The following PATL2 variants were observed in gnomAD, a reference collection of about 807,000 sequenced individuals.
PATL2 encodes the protein protein PAT1 homolog 2.
In PATL2, 73 loss-of-function variants were observed where a neutral mutation model predicts 77.0. The ratio of observed to expected loss-of-function variants is 0.95; its 90% confidence interval spans 0.78 to 1.15. PATL2 has a LOEUF of 1.15. Among genes scored for constraint, PATL2 ranks in the 50% most tolerant of loss-of-function variants. The pLI, the probability that PATL2 is intolerant of heterozygous loss-of-function variation, is 0.00. For missense variants in PATL2, 618 were observed against 655.4 expected (o/e 0.94, Z 0.62); for synonymous variants, 265 against 257.1 (o/e 1.03, Z -0.29).
intron 3 of PATL2, among the ~76,000 whole-genome samples, chr15:44,705,054 G>T (rs184333587): frequency 1.0e-3 from 155 of 152,146 alleles, no homozygotes; most frequent in African/African-American, 3.6e-3. Flanking sequence ...AATTTGTTTG[G>T]TGTTCTATAA....
rs760984909 is a variant in PATL2 at position 44,669,910 on chromosome 15, C to T, written c.779-36G>A. On this transcript the variant is annotated intron_variant, in intron 10 of 17. Coordinates refer to ENST00000682850, the MANE Select transcript of PATL2 (RefSeq NM_001387263.1). ...AGAGAGGCACATTTCCTTCCCCCTCCCACACTCTGTCCACCCAGATGCCCA... is the reference window on the plus strand; with the variant it reads ...AGAGAGGCACATTTCCTTCCCCCTCTCACACTCTGTCCACCCAGATGCCCA... The T allele has an allele frequency of 9.7e-6, 15 of 1,551,064 alleles. No individual in the cohort carries two copies. In the South Asian group the frequency reaches 1.3e-4, roughly 14 times the overall value.
In PATL2 at chr15:44,673,932, C is replaced by G. The variant is rs553274701; in HGVS notation, c.303+218G>C. Among the ~76,000 whole-genome samples the G allele has an allele frequency of 1.1e-4, 17 of 152,280 alleles. No homozygotes were observed. The South Asian group carries it at 2.1e-3, about 19-fold the overall frequency. On this transcript the variant is annotated intron_variant, in intron 6 of 17. Coordinates refer to ENST00000682850, the MANE Select transcript of PATL2 (RefSeq NM_001387263.1). ...GTTTGTCCTTGTTCATACAAATGGC[C>G]AGTTGTCCCAGTACCACTTATTAAG...
Position 44,672,389 on chromosome 15 carries a change from T to C in PATL2, c.514A>G (p.Ser172Gly). The stretch of plus-strand genomic sequence containing the variant: ...CCCTGCTCCTGGTCTGGGCTTTACC[T>C]TGGTGTTTGACTATGCTGCTGCTGC... ...LQQQQHSQTP[S>G]PPAKKPWSQQ... The change falls in exon 8 of 18, where the codon AGT becomes GGT. Residue 172 changes from serine (S) to glycine (G), a missense_variant and splice_region_variant. Ser to Gly is a moderately conservative substitution (Grantham distance 56). Transcript: ENST00000682850. The C allele has an allele frequency of 6.4e-7, 1 of 1,551,642 alleles. No homozygotes were observed.
chr15:44,690,719 G>A (rs931497525), intron 3 of PATL2, among the ~76,000 whole-genome samples: 17 of 152,072 alleles, frequency 1.1e-4, no homozygotes, highest in Admixed American at 3.3e-4. Flanking sequence ...TGTTTCTGAA[G>A]ATGTTAAGAG....
intron 3 of PATL2, among the ~76,000 whole-genome samples, chr15:44,709,147 C>T (rs1376548367): frequency 1.3e-5 from 2 of 152,126 alleles, no homozygotes; most frequent in Non-Finnish European, 2.9e-5. Flanking sequence ...GATCTGCCCG[C>T]CTTGACCTCC....
Position 44,665,754 on chromosome 15 carries a change from A to G in PATL2, c.*199T>C. ...ACATCATTCTATTATCTCTTTAATT[A>G]TACCTTATTATGCCATGTCTTATTT... On this transcript the variant is annotated 3_prime_UTR_variant, in exon 18 of 18. Coordinates refer to ENST00000682850, the MANE Select transcript of PATL2 (RefSeq NM_001387263.1). The G allele has an allele frequency of 7.0e-7, 1 of 1,428,530 alleles. No homozygotes were observed. Among genetic ancestry groups the G allele is most frequent in the Non-Finnish European group, 9.3e-7 (1 of 1,076,408 alleles). 88.5% of individuals were successfully genotyped at this position (1,428,530 alleles called of 1,614,324 possible).
Position 44,669,793 on chromosome 15 carries a change from T to C in PATL2, c.860A>G (p.His287Arg). Residue 287 changes from histidine (H) to arginine (R), a missense_variant, in exon 11 of 18, where the codon CAT becomes CGT. Transcript: ENST00000682850. ...SPRRAIDAVPHGTQEQDIEAA... is the reference protein window; with the variant it reads ...SPRRAIDAVPRGTQEQDIEAA... The stretch of plus-strand genomic sequence containing the variant: ...TGCTCCCACCTGCTCTTGAGTTCCA[T>C]GGGGTACCGCATCAATAGCTCGGCG... 6.4e-7 allele frequency: 1 copy of C among 1,551,678 alleles called. No homozygotes were observed. Among genetic ancestry groups the C allele is most frequent in the South Asian group, 1.2e-5 (1 of 84,062 alleles).
chr15:44,695,907 A>T (rs1445609001), intron 3 of PATL2, among the ~76,000 whole-genome samples: 2 of 152,122 alleles, frequency 1.3e-5, no homozygotes, highest in Non-Finnish European at 2.9e-5. Flanking sequence ...GATCCAAACC[A>T]CCAGAGAATA....
chr15:44,668,371 G>A lies in PATL2; in HGVS notation c.1336C>T (p.Arg446Trp), dbSNP rs1160834883. ...TTCTGAAGCACCACGGTGACTGGCC[G>A]CTCTGAGGAGCCAGGTGGCAACAGC... ...LTLLPPGSSE[R>W]PVTVVLQNQF... The change falls in exon 15 of 18, where the codon CGG (arginine) becomes TGG (tryptophan). Residue 446 changes from arginine to tryptophan, a missense_variant. Transcript: ENST00000682850. The A allele has an allele frequency of 7.7e-6, 12 of 1,550,824 alleles. No individual in the cohort carries two copies. Among genetic ancestry groups the A allele is most frequent in the South Asian group, 4.8e-5 (4 of 84,024 alleles).
At chr15:44,692,070 T>G (rs1384694354) in intron 3 of PATL2, among the ~76,000 whole-genome samples, 1 of 152,090 alleles carries the variant, frequency 6.6e-6, no homozygotes, top group Admixed American at 6.6e-5. Context: ...ACAATATAGA[T>G]CTCTATTATT....
At chr15:44,692,400 C>T (rs781621998) in intron 3 of PATL2, among the ~76,000 whole-genome samples, 16 of 152,012 alleles carry the variant, frequency 1.1e-4, no homozygotes, top group Middle Eastern at 3.2e-3. Context: ...CAAAAACCAA[C>T]GACAACAACA....
chr15:44,694,939 T>C (rs1031148724), intron 3 of PATL2, among the ~76,000 whole-genome samples: 1 of 152,058 alleles, frequency 6.6e-6, no homozygotes, highest in African/African-American at 2.4e-5. Flanking sequence ...CAGCATGAAG[T>C]AGCCAGAAAG....
At chr15:44,668,917 G>A (rs2085518231) in intron 14 of PATL2, 63 bp downstream of exon 14, 1 of 1,445,208 alleles carries the variant, frequency 6.9e-7, no homozygotes, top group Non-Finnish European at 9.2e-7. Flanking sequence ...GGGGACTGGA[G>A]GGGAGGAATG....
chr15:44,679,684 G>A (rs2086090067), intron 3 of PATL2, among the ~76,000 whole-genome samples: 2 of 151,330 alleles, frequency 1.3e-5, no homozygotes, highest in Non-Finnish European at 2.9e-5. Context: ...GAGCCACTGC[G>A]TCCGGCCCTT....
intron 3 of PATL2, among the ~76,000 whole-genome samples, chr15:44,688,403 AAAAC>A (rs577757076): frequency 1.3e-5 from 2 of 152,046 alleles, no homozygotes; most frequent in Admixed American, 6.6e-5. Flanking sequence ...ATCCTAAGCA[AAAAC>A]AAACAAACAA....
intron 17 of PATL2, 29 bp downstream of exon 17, chr15:44,666,363 G>A: frequency 6.4e-7 from 1 of 1,550,958 alleles, no homozygotes; most frequent in Non-Finnish European, 8.7e-7. Flanking sequence ...TGAACAAGGG[G>A]CTTTGACCTT....
chr15:44,666,454 T>C lies in PATL2; in HGVS notation c.1551A>G (p.Leu517=), dbSNP rs1044545. ...LAEPLAFPSN[L]LPLFCHHVDK... is the part of the protein sequence containing the mutation. Reference sequence around the variant, plus strand: ...CCACGTGGTGACAGAACAGGGGAAGTAGGTTGCTGGGGAAAGCTAGGGGTT... The same window carrying C: ...CCACGTGGTGACAGAACAGGGGAAGCAGGTTGCTGGGGAAAGCTAGGGGTT... Residue 517 remains leucine, a synonymous_variant, in exon 17 of 18, where the codon CTA becomes CTG. Transcript: ENST00000682850. 1.6e-3 allele frequency: 2,487 copies of C among 1,551,638 alleles called. 29 individuals are homozygous for C. The African/African-American group carries it at 0.031, about 19-fold the overall frequency.
intron 14 of PATL2, among the ~76,000 whole-genome samples, chr15:44,668,743 A>G (rs1427437540): frequency 6.6e-6 from 1 of 152,212 alleles, no homozygotes; most frequent in African/African-American, 2.4e-5. Flanking sequence ...AGACCTCCTC[A>G]GCACACTGAC....
Position 44,675,595 on chromosome 15 carries a change from T to G in PATL2, c.113A>C (p.Glu38Ala). ...CAGATCCTCCTCGTCCTCCTCCTCTTCCTCCTCCTCCCCTTCATTCTCTTC... is the reference window on the plus strand; with the variant it reads ...CAGATCCTCCTCGTCCTCCTCCTCTGCCTCCTCCTCCCCTTCATTCTCTTC... ...KEEENEGEEE[E>A]EEEDEEDLDP... The change falls in exon 5 of 18, where the codon GAA (glutamate) becomes GCA (alanine). Residue 38 changes from glutamate (E) to alanine (A), a missense_variant. Physicochemically the swap from Glu to Ala is moderately radical, Grantham distance 107. Transcript: ENST00000682850. The G allele has an allele frequency of 1.9e-6, 3 of 1,550,968 alleles. No homozygotes were observed. Among genetic ancestry groups the G allele is most frequent in the Non-Finnish European group, 2.6e-6 (3 of 1,146,736 alleles).
Sources: allele counts gnomAD v4.1 joint callset (sites outside exome capture counted in the v4.1 genomes callset), GRCh38; gene constraint gnomAD v4.1.1; transcripts MANE v1.5; gene names NCBI Gene and HGNC (gene_info 2026-07-23, HGNC 2026-07-21).